PPP1R9A: variants seen among roughly 807,000 people sequenced by gnomAD.
PPP1R9A encodes protein phosphatase 1 regulatory subunit 9A.
A neutral mutation model predicts 141.9 loss-of-function variants in PPP1R9A; 59 were observed. That is an observed-to-expected ratio of 0.42 (90% confidence interval 0.34 to 0.52). PPP1R9A has a LOEUF of 0.52. Among genes scored for constraint, PPP1R9A ranks in the 20% least tolerant of loss-of-function variants. The probability of loss-of-function intolerance (pLI) is 0.10; values close to 1 mark genes in which losing one functional copy is unlikely to be tolerated. For synonymous variants in PPP1R9A, 500 were observed against 569.7 expected (o/e 0.88, Z 1.74); for missense variants, 1,444 against 1,611.9 (o/e 0.90, Z 1.78).
At chr7:95,256,732 C>T (rs1050581573) in intron 12 of PPP1R9A, among the ~76,000 whole-genome samples, 2 of 151,996 alleles carry the variant, frequency 1.3e-5, no homozygotes, top group South Asian at 2.1e-4. Context: ...CATTAAAAAA[C>T]TCGAGTCTTC....
chr7:95,267,777 G>T (rs908629958), intron 12 of PPP1R9A, among the ~76,000 whole-genome samples: 1 of 152,076 alleles, frequency 6.6e-6, no homozygotes, highest in African/African-American at 2.4e-5. Flanking sequence ...TCACAGAGAT[G>T]AGTCAGAGGC....
chr7:94,908,946 A>G (rs1265693750), intron 1 of PPP1R9A, among the ~76,000 whole-genome samples: 1 of 152,170 alleles, frequency 6.6e-6, no homozygotes, highest in Non-Finnish European at 1.5e-5. Flanking sequence ...GCTCGGTCTA[A>G]TATCAAAACA....
intron 5 of PPP1R9A, among the ~76,000 whole-genome samples, chr7:95,188,052 C>G (rs28785884): frequency 0.011 from 1,744 of 152,196 alleles, 30 homozygotes; most frequent in African/African-American, 0.04. Flanking sequence ...GACTTTCTCT[C>G]TTAATGACCT....
Position 94,975,785 on chromosome 7 carries a change from C to G in PPP1R9A, c.1395+64277C>G, listed in dbSNP as rs563466874. On this transcript the variant is annotated intron_variant, in intron 2 of 19. Coordinates refer to ENST00000433360, the MANE Select transcript of PPP1R9A (RefSeq NM_001166160.2). ...AAAGAAATAGGTTATCTTTGCTTAG[C>G]TGGATTGGGGTCTTCTCAGAAGATG... Among the ~76,000 whole-genome samples, 6 of 152,208 alleles carry G rather than the reference C, an allele frequency of 3.9e-5. No homozygotes were observed. The South Asian group carries it at 8.3e-4, about 21-fold the overall frequency.
intron 5 of PPP1R9A, among the ~76,000 whole-genome samples, chr7:95,184,938 G>C (rs1004759695): frequency 9.9e-5 from 15 of 151,754 alleles, no homozygotes; most frequent in Non-Finnish European, 1.5e-5. Context: ...GTGAGTGTGT[G>C]GGTGTCTTTT....
intron 2 of PPP1R9A, among the ~76,000 whole-genome samples, chr7:94,953,618 G>A (rs902688727): frequency 5.9e-5 from 9 of 151,990 alleles, no homozygotes; most frequent in Admixed American, 3.3e-4. Context: ...ATTTGTTTGT[G>A]TCCTCTCTTA....
intron 7 of PPP1R9A, among the ~76,000 whole-genome samples, chr7:95,210,437 G>A (rs958901306): frequency 4.6e-5 from 7 of 151,936 alleles, no homozygotes; most frequent in African/African-American, 1.7e-4. Context: ...TGTAGCACAA[G>A]CAGCTGTGGC....
chr7:95,119,069 G>A (rs1584786613), intron 3 of PPP1R9A, among the ~76,000 whole-genome samples: 1 of 151,870 alleles, frequency 6.6e-6, no homozygotes, highest in Admixed American at 6.6e-5. Flanking sequence ...TCTTTTAAAA[G>A]TGTCATTCTG....
chr7:95,160,740 A>G (rs943143984), intron 4 of PPP1R9A, among the ~76,000 whole-genome samples: 3 of 151,866 alleles, frequency 2.0e-5, no homozygotes, highest in East Asian at 1.9e-4. Context: ...TGAGTTCCCA[A>G]TGTTTAACTT....
chr7:95,192,948 T>C (rs897807853), intron 5 of PPP1R9A, among the ~76,000 whole-genome samples: 18 of 152,138 alleles, frequency 1.2e-4, no homozygotes, highest in Non-Finnish European at 2.5e-4. Flanking sequence ...GTAATTTGAA[T>C]GTTACAGATT....
chr7:95,285,538 A>G (rs371221821), intron 17 of PPP1R9A, among the ~76,000 whole-genome samples: 3 of 152,266 alleles, frequency 2.0e-5, no homozygotes, highest in African/African-American at 7.2e-5. Context: ...GGGAAGTTTT[A>G]TTTACACGCT....
At chr7:95,047,174 G>A (rs1401278336) in intron 2 of PPP1R9A, among the ~76,000 whole-genome samples, 1 of 152,204 alleles carries the variant, frequency 6.6e-6, no homozygotes, top group Non-Finnish European at 1.5e-5. Flanking sequence ...CCAGCCCCAA[G>A]ATTAAAGTCA....
chr7:95,237,986 A>G (rs1796943204), intron 8 of PPP1R9A, among the ~76,000 whole-genome samples: 1 of 151,992 alleles, frequency 6.6e-6, no homozygotes, highest in Non-Finnish European at 1.5e-5. Context: ...CTGCTGCTTT[A>G]AAGTTATACA....
chr7:95,056,745 T>G (rs1811551310), intron 2 of PPP1R9A, among the ~76,000 whole-genome samples: 1 of 152,204 alleles, frequency 6.6e-6, no homozygotes. Context: ...AAGTTATCAC[T>G]GATCTGTTTA....
At chr7:95,281,367 C>T (rs575451416) in intron 16 of PPP1R9A, among the ~76,000 whole-genome samples, 47 of 152,280 alleles carry the variant, frequency 3.1e-4, no homozygotes, top group African/African-American at 1.1e-3. Context: ...CCTGGCTCTT[C>T]CTCCTTCCTG....
At chr7:95,052,390 T>C (rs1810946034) in intron 2 of PPP1R9A, among the ~76,000 whole-genome samples, 1 of 152,034 alleles carries the variant, frequency 6.6e-6, no homozygotes, top group African/African-American at 2.4e-5. Context: ...GTGGAAGGAT[T>C]GAAGAGTTAG....
intron 7 of PPP1R9A, among the ~76,000 whole-genome samples, chr7:95,208,253 C>A (rs953921616): frequency 6.6e-6 from 1 of 152,086 alleles, no homozygotes. Flanking sequence ...AGATTACACT[C>A]TAGAAGAGTT....
Position 94,911,128 on chromosome 7 carries a change from C to T in PPP1R9A, c.1015C>T (p.Pro339Ser), listed in dbSNP as rs753238860. ...KAMPKSEIPS[P>S]QSQLLEDAEA... ...AATGCCAAAGTCCGAAATCCCTTCA[C>T]CACAAAGCCAACTGTTAGAAGATGC... is the stretch of plus-strand genomic sequence containing the variant. Residue 339 changes from proline (P) to serine (S), a missense_variant, in exon 2 of 20, where the codon CCA becomes TCA. Pro to Ser is a moderately conservative substitution (Grantham distance 74). Coordinates refer to ENST00000433360, the MANE Select transcript of PPP1R9A (RefSeq NM_001166160.2). 6.2e-7 allele frequency: 1 copy of T among 1,614,156 alleles called. No homozygotes were observed. The highest frequency in any genetic ancestry group is 1.1e-5 in the South Asian group (1 of 91,084).
At chr7:95,276,465 G>A (rs1283385873) in intron 16 of PPP1R9A, among the ~76,000 whole-genome samples, 1 of 152,150 alleles carries the variant, frequency 6.6e-6, no homozygotes, top group African/African-American at 2.4e-5. Context: ...TAGACTTCTA[G>A]ATTGGCTGCC....
Sources: gnomAD v4.1 joint callset for allele counts (sites outside exome capture counted in the v4.1 genomes callset) on GRCh38, gnomAD v4.1.1 for gene constraint, MANE v1.5 for transcripts, NCBI Gene and HGNC (gene_info 2026-07-23, HGNC 2026-07-21) for gene names.